FNDC4: variants seen among roughly 807,000 people sequenced by gnomAD.
The protein encoded by FNDC4 is fibronectin type III domain-containing protein 4.
A neutral mutation model predicts 25.1 loss-of-function variants in FNDC4; 11 were observed. That is an observed-to-expected ratio of 0.44 (90% CI 0.28 to 0.73). The LOEUF (loss-of-function observed/expected upper bound fraction) is 0.73. Among genes scored for constraint, FNDC4 ranks in the 30% least tolerant of loss-of-function variants. The probability of loss-of-function intolerance (pLI) is 0.16; values close to 1 mark genes in which losing one functional copy is unlikely to be tolerated. For missense variants in FNDC4, 250 were observed against 304.3 expected (o/e 0.82, Z 1.33); for synonymous variants, 136 against 118.8 (o/e 1.14, Z -0.94).
intron 4 of FNDC4, among the ~76,000 whole-genome samples, 173 bp downstream of exon 4, chr2:27,493,757 C>T (rs1669313115): frequency 6.6e-6 from 1 of 152,234 alleles, no homozygotes; most frequent in Non-Finnish European, 1.5e-5. Flanking sequence ...CAACTCAATA[C>T]CAGCCTGTCT....
Position 27,494,071 on chromosome 2 carries a change from G to T in FNDC4, c.313C>A (p.Leu105Ile), listed in dbSNP as rs1310782342. Residue 105 changes from leucine (L) to isoleucine (I), a missense_variant, in exon 4 of 7, where the codon CTC becomes ATC. Transcript: ENST00000264703. This position sits in a 1 kb window ranked among gnomAD's most constrained non-coding sequence, Gnocchi z 4.6. ...TCACTGTCTTCAGCCAGGCCCCAGA[G>T]GGCACAGGCCCGGGTGGTGGTGTTC... ...EVNTTTRACA[L>I]WGLAEDSDYT... is the part of the protein sequence containing the mutation. 3.7e-6 allele frequency: 6 copies of T among 1,614,080 alleles called. No individual in the cohort carries two copies. The highest frequency in any genetic ancestry group is 5.1e-6 in the Non-Finnish European group (6 of 1,180,034).
chr2:27,494,659 A>C lies in FNDC4; in HGVS notation c.21T>G (p.Ser7Arg). 6.4e-7 allele frequency: 1 copy of C among 1,569,914 alleles called. No homozygotes were observed. The highest frequency in any genetic ancestry group is 1.4e-5 in the African/African-American group (1 of 72,868). Reference sequence around the variant, plus strand: ...CCCCACGGAGTCCGCTGGGGGGGGAACTGTGGCATCCGCTTGGCATCCGCT... The same window carrying C: ...CCCCACGGAGTCCGCTGGGGGGGGACCTGTGGCATCCGCTTGGCATCCGCT... Reference protein sequence around the residue: MPSGCHSSPPSGLRGDM... With the variant: MPSGCHRSPPSGLRGDM... Residue 7 changes from serine to arginine, a missense_variant, in exon 2 of 7, where the codon AGT (serine) becomes AGG (arginine). By Grantham distance (110) the Ser-to-Arg change is moderately radical (BLOSUM62 -1). Transcript: ENST00000264703. This position sits in a 1 kb window ranked among gnomAD's most constrained non-coding sequence, Gnocchi z 4.6.
Position 27,493,426 on chromosome 2 carries a change from T to C in FNDC4, c.507A>G (p.Glu169=), listed in dbSNP as rs142318617. Residue 169 remains glutamate, a synonymous_variant, in exon 5 of 7, where the codon GAA becomes GAG. Coordinates refer to ENST00000264703, the MANE Select transcript of FNDC4 (RefSeq NM_022823.3). ...LDGERPLQTG[E]VVIIVVVLLM... ...GCAACACCACCACAATGATGACCAC[T>C]TCCCCAGTCTGCAGTGGCCGCTCTC... The C allele has an allele frequency of 2.4e-5, 38 of 1,613,826 alleles. No individual in the cohort carries two copies. The Middle Eastern group carries it at 9.9e-4, about 42-fold the overall frequency.
Position 27,494,693 on chromosome 2 carries a change from A to C in FNDC4, c.-14T>G. ...TCCGCTTGGCATCCGCTTGACATCC[A>C]GGCGGGGCTCCTGGAGATGGCAGGA... is the stretch of plus-strand genomic sequence containing the variant. On this transcript the variant is annotated 5_prime_UTR_variant, in exon 2 of 7. Coordinates refer to ENST00000264703, the MANE Select transcript of FNDC4 (RefSeq NM_022823.3). The surrounding 1 kb of genome is among the most constrained non-coding windows in gnomAD (Gnocchi z 4.6). 6.6e-7 allele frequency: 1 copy of C among 1,523,662 alleles called. No individual in the cohort carries two copies. The highest frequency in any genetic ancestry group is 2.4e-5 in the East Asian group (1 of 41,670). The allele number at this position is 1,523,662 out of a possible 1,614,324, so 94.4% of individuals were successfully genotyped here.
chr2:27,493,704 T>C (rs760805353), intron 4 of FNDC4, among the ~76,000 whole-genome samples: 5 of 152,214 alleles, frequency 3.3e-5, no homozygotes, highest in Non-Finnish European at 5.9e-5. Flanking sequence ...CTGCAGCTGA[T>C]GTGAAGTTGG....
chr2:27,492,506 A>G lies in FNDC4; in HGVS notation c.670-28T>C. The stretch of plus-strand genomic sequence containing the variant: ...GTGAAAGAAAATGGCCTGAGTCTCA[A>G]CTTCAGGAAGGTAATAGGTGCCACC... On this transcript the variant is annotated intron_variant, in intron 6 of 6. Transcript: ENST00000264703. This position sits in a 1 kb window ranked among gnomAD's most constrained non-coding sequence, Gnocchi z 4.1. 1.2e-6 allele frequency: 2 copies of G among 1,608,820 alleles called. No individual in the cohort carries two copies. The highest frequency in any genetic ancestry group is 1.7e-6 in the Non-Finnish European group (2 of 1,175,208).
Position 27,492,055 on chromosome 2 carries a change from A to C in FNDC4, c.*388T>G. On this transcript the variant is annotated 3_prime_UTR_variant, in exon 7 of 7. Coordinates refer to ENST00000264703, the MANE Select transcript of FNDC4 (RefSeq NM_022823.3). The surrounding 1 kb of genome is among the most constrained non-coding windows in gnomAD (Gnocchi z 4.1). ...GACAATTCCTTTTATTTGCTGGGGT[A>C]AGAGGAGTACCCACAGAAACACCCC... 3.7e-6 allele frequency: 1 copy of C among 267,618 alleles called. No homozygotes were observed. Among genetic ancestry groups the C allele is most frequent in the Non-Finnish European group, 7.2e-6 (1 of 138,882 alleles). 16.6% of individuals were successfully genotyped at this position (267,618 alleles called of 1,614,324 possible).
In FNDC4 at chr2:27,492,884, G is replaced by A. The variant is rs1669290407; in HGVS notation, c.545-94C>T. On this transcript the variant is annotated intron_variant, in intron 5 of 6. Transcript: ENST00000264703. The surrounding 1 kb of genome is among the most constrained non-coding windows in gnomAD (Gnocchi z 4.1). ...CTAGAAAATCCATGAAGAACATCCT[G>A]AATTCCTGGTGCCCATGCAGTCCTC... is the stretch of plus-strand genomic sequence containing the variant. 3 of 1,465,282 alleles carry A rather than the reference G, an allele frequency of 2.0e-6. No homozygotes were observed. The highest frequency in any genetic ancestry group is 2.8e-5 in the African/African-American group (2 of 72,292). 90.8% of individuals were successfully genotyped at this position (1,465,282 alleles called of 1,614,324 possible).
In FNDC4 at chr2:27,492,837, T is replaced by G; in HGVS notation, c.545-47A>C. ...GCCTTCATCTCCACTTCCCCCCTCA[T>G]AGGGAGATACCTACGTAGCTTCTAG... On this transcript the variant is annotated intron_variant, in intron 5 of 6. Coordinates refer to ENST00000264703, the MANE Select transcript of FNDC4 (RefSeq NM_022823.3). The surrounding 1 kb of genome is among the most constrained non-coding windows in gnomAD (Gnocchi z 4.1). 1 of 1,611,106 alleles carries G rather than the reference T, an allele frequency of 6.2e-7. No homozygotes were observed. Among genetic ancestry groups the G allele is most frequent in the Non-Finnish European group, 8.5e-7 (1 of 1,178,498 alleles).
At chr2:27,493,519 G>T in intron 4 of FNDC4, 41 bp from the exon 5 acceptor site, 1 of 1,438,702 alleles carries the variant, frequency 7.0e-7, no homozygotes, top group South Asian at 1.1e-5. Flanking sequence ...CAGGTTACTG[G>T]GGTCCATACT....
Position 27,492,706 on chromosome 2 carries a change from G to A in FNDC4, c.629C>T (p.Pro210Leu), listed in dbSNP as rs1356804969. The A allele has an allele frequency of 9.3e-6, 15 of 1,613,876 alleles. No individual in the cohort carries two copies. Among genetic ancestry groups the A allele is most frequent in the Admixed American group, 6.7e-5 (4 of 60,000 alleles). Residue 210 changes from proline (P) to leucine (L), a missense_variant, in exon 6 of 7, where the codon CCG becomes CTG. Pro to Leu is a moderately conservative substitution (Grantham distance 98, BLOSUM62 -3). Coordinates refer to ENST00000264703, the MANE Select transcript of FNDC4 (RefSeq NM_022823.3). This position sits in a 1 kb window ranked among gnomAD's most constrained non-coding sequence, Gnocchi z 4.1. ...TGGCCTTCCCTGAGGACTCTGTTCC[G>A]GCCCCTTTCCCTTCTCCTTGGGATT... The part of the protein sequence containing the change: ...NNNPKEKGKG[P>L]EQSPQGRPVG...
Position 27,492,396 on chromosome 2 carries a change from CT to C in FNDC4, c.*46del. On this transcript the variant is annotated 3_prime_UTR_variant, in exon 7 of 7. Coordinates refer to ENST00000264703, the MANE Select transcript of FNDC4 (RefSeq NM_022823.3). This position sits in a 1 kb window ranked among gnomAD's most constrained non-coding sequence, Gnocchi z 4.1. ...TCTTGGGCTCCCCCTGACCCCATCC[CT>C]ATCCCCAGTTGTTAGTGCATCTCTC... The C allele has an allele frequency of 6.2e-7, 1 of 1,613,162 alleles. No individual in the cohort carries two copies. Among genetic ancestry groups the C allele is most frequent in the Non-Finnish European group, 8.5e-7 (1 of 1,179,116 alleles).
In FNDC4 at chr2:27,492,273, C is replaced by A; in HGVS notation, c.*170G>T. On this transcript the variant is annotated 3_prime_UTR_variant, in exon 7 of 7. Transcript: ENST00000264703. This position sits in a 1 kb window ranked among gnomAD's most constrained non-coding sequence, Gnocchi z 4.1. ...TCCAGGGGCACAGACTCTGAACAGA[C>A]CTACCTTCTGGCTCTGCTCACAGTG... The A allele has an allele frequency of 1.3e-6, 1 of 784,828 alleles. No homozygotes were observed. Among genetic ancestry groups the A allele is most frequent in the Non-Finnish European group, 2.2e-6 (1 of 458,020 alleles). 48.6% of individuals were successfully genotyped at this position (784,828 alleles called of 1,614,324 possible). A position where few individuals can be genotyped will look rare whatever the true frequency, so the allele number is the denominator to read the frequency against.
At position 27,493,470 on chromosome 2, in the gene FNDC4, T is replaced by C. The variant is rs1048241681; in HGVS notation, c.463A>G (p.Thr155Ala). 2 of 1,613,158 alleles carry C rather than the reference T, an allele frequency of 1.2e-6. No individual in the cohort carries two copies. Among genetic ancestry groups the C allele is most frequent in the Non-Finnish European group, 1.7e-6 (2 of 1,179,208 alleles). ...CGCTCTCCATCCAGACCTTCCACTG[T>C]GATGTCACCTGAGAAGGGAGAAGGC... The part of the protein sequence containing the change: ...PSNSSSPGDI[T>A]VEGLDGERPL... The change falls in exon 5 of 7, where the codon ACA (threonine) becomes GCA (alanine). Residue 155 changes from threonine to alanine, a missense_variant. Thr to Ala is a moderately conservative substitution (Grantham distance 58, BLOSUM62 0). Transcript: ENST00000264703.
rs1295396545 is a variant in FNDC4 at position 27,494,818 on chromosome 2, C to T, written c.-25+60G>A. On this transcript the variant is annotated intron_variant, in intron 1 of 6. Transcript: ENST00000264703. This position sits in a 1 kb window ranked among gnomAD's most constrained non-coding sequence, Gnocchi z 4.6. ...CACAACAGCCCTATTTTCTCTACGC[C>T]CTCCCGCCCCCGCATTGCCCGGGCG... The T allele has an allele frequency of 3.5e-6, 2 of 578,558 alleles. No homozygotes were observed. The highest frequency in any genetic ancestry group is 5.8e-5 in the East Asian group (2 of 34,214). The allele number at this position is 578,558 out of a possible 1,614,324, so 35.8% of individuals were successfully genotyped here.
Position 27,492,906 on chromosome 2 carries a change from C to G in FNDC4, c.545-116G>C. 8.4e-7 allele frequency: 1 copy of G among 1,194,710 alleles called. No individual in the cohort carries two copies. The highest frequency in any genetic ancestry group is 1.2e-6 in the Non-Finnish European group (1 of 830,952). 74.0% of individuals were successfully genotyped at this position (1,194,710 alleles called of 1,614,324 possible). On this transcript the variant is annotated intron_variant, in intron 5 of 6. Coordinates refer to ENST00000264703, the MANE Select transcript of FNDC4 (RefSeq NM_022823.3). This position sits in a 1 kb window ranked among gnomAD's most constrained non-coding sequence, Gnocchi z 4.1. Reference sequence around the variant, plus strand: ...CCTGAATTCCTGGTGCCCATGCAGTCCTCCTCTCTGGGCTCTCAACAGCCT... The same window carrying G: ...CCTGAATTCCTGGTGCCCATGCAGTGCTCCTCTCTGGGCTCTCAACAGCCT...
rs1203713196 is a variant in FNDC4 at position 27,494,433 on chromosome 2, G to A, written c.167C>T (p.Thr56Ile). 6.2e-7 allele frequency: 1 copy of A among 1,614,222 alleles called. No individual in the cohort carries two copies. The highest frequency in any genetic ancestry group is 2.2e-5 in the East Asian group (1 of 44,876). The change falls in exon 3 of 7, where the codon ACT (threonine) becomes ATT (isoleucine). Residue 56 changes from threonine to isoleucine, a missense_variant. Physicochemically the swap from Thr to Ile is moderately conservative, Grantham distance 89. Coordinates refer to ENST00000264703, the MANE Select transcript of FNDC4 (RefSeq NM_022823.3). The surrounding 1 kb of genome is among the most constrained non-coding windows in gnomAD (Gnocchi z 4.6). ...AGTGGCCGAGTTGGCTCTGAGGTGA[G>A]TGACCGTCACATTCACAGGAGAGGG... ...RPPSPVNVTV[T>I]HLRANSATVS...
At position 27,492,622 on chromosome 2, in the gene FNDC4, A is replaced by C. The variant is rs1305341536; in HGVS notation, c.669+44T>G. 3.1e-6 allele frequency: 5 copies of C among 1,612,706 alleles called. No individual in the cohort carries two copies. The highest frequency in any genetic ancestry group is 3.3e-5 in the Admixed American group (2 of 59,966). ...TTCTTCCTTTCCCTGGCTGCCCCTC[A>C]GGGGCAGAATCACCCTTTCCGCCCT... is the stretch of plus-strand genomic sequence containing the variant. On this transcript the variant is annotated intron_variant, in intron 6 of 6. Coordinates refer to ENST00000264703, the MANE Select transcript of FNDC4 (RefSeq NM_022823.3). This position sits in a 1 kb window ranked among gnomAD's most constrained non-coding sequence, Gnocchi z 4.1.
rs1558430209 is a variant in FNDC4 at position 27,494,494 on chromosome 2, T to C, written c.134-28A>G. ...GCGGGAGCCAGGGTGTTTAACAGGTTTCACCCATTGACTAGCTGTGGTTGA... is the reference window on the plus strand; with the variant it reads ...GCGGGAGCCAGGGTGTTTAACAGGTCTCACCCATTGACTAGCTGTGGTTGA... On this transcript the variant is annotated intron_variant, in intron 2 of 6. Transcript: ENST00000264703. This position sits in a 1 kb window ranked among gnomAD's most constrained non-coding sequence, Gnocchi z 4.6. 1.2e-6 allele frequency: 2 copies of C among 1,613,438 alleles called. No homozygotes were observed. Among genetic ancestry groups the C allele is most frequent in the Non-Finnish European group, 8.5e-7 (1 of 1,179,686 alleles).
Sources: allele counts gnomAD v4.1 joint callset (sites outside exome capture counted in the v4.1 genomes callset), GRCh38; gene constraint gnomAD v4.1.1; non-coding constraint Gnocchi (gnomAD v3.1); transcripts MANE v1.5; gene names NCBI Gene and HGNC (gene_info 2026-07-23, HGNC 2026-07-21).